Variants in TTC1 observed in about 807,000 individuals in gnomAD.
The protein encoded by TTC1 is tetratricopeptide repeat protein 1.
Under a neutral mutation model 37.6 loss-of-function variants are expected in TTC1, and 31 were observed. The observed-to-expected ratio is 0.82, with a 90% CI of 0.62 to 1.11. The LOEUF (loss-of-function observed/expected upper bound fraction) is 1.11, where lower values mean the gene tolerates loss of function less well. Among genes scored for constraint, TTC1 ranks in the 50% most tolerant of loss-of-function variants. The pLI, the probability that TTC1 is intolerant of heterozygous loss-of-function variation, is 0.00. For synonymous variants in TTC1, 127 were observed against 122.4 expected (o/e 1.04, Z -0.25); for missense variants, 351 against 339.0 (o/e 1.04, Z -0.28).
intron 4 of TTC1, among the ~76,000 whole-genome samples, chr5:160,041,425 G>A (rs1373745697): frequency 1.3e-5 from 2 of 150,828 alleles, no homozygotes; most frequent in South Asian, 2.1e-4. Context: ...ATTCTCCTGC[G>A]TCAGCCTCTT....
Position 160,036,735 on chromosome 5 carries a change from T to A in TTC1, c.436T>A (p.Cys146Ser). The A allele has an allele frequency of 6.2e-7, 1 of 1,614,086 alleles. No homozygotes were observed. Among genetic ancestry groups the A allele is most frequent in the Non-Finnish European group, 8.5e-7 (1 of 1,179,972 alleles). ...ESSYSRALEMCPSCFQKERSI... is the reference protein window; with the variant it reads ...ESSYSRALEMSPSCFQKERSI... ...TTCTTATAGTCGAGCCCTCGAAATG[T>A]GCCCATCCTGCTTCCAAAAGGAGAG... Residue 146 changes from cysteine (C) to serine (S), a missense_variant, in exon 4 of 8, where the codon TGC becomes AGC. By Grantham distance (112) the Cys-to-Ser change is moderately radical. Transcript: ENST00000231238.
At chr5:160,029,214 T>A (rs1756863083) in intron 2 of TTC1, among the ~76,000 whole-genome samples, 1 of 152,182 alleles carries the variant, frequency 6.6e-6, no homozygotes, top group African/African-American at 2.4e-5. Context: ...TTTTGACTCA[T>A]AAGGGTTTCA....
intron 7 of TTC1, among the ~76,000 whole-genome samples, chr5:160,059,260 G>A (rs1757632059): frequency 6.6e-6 from 1 of 152,230 alleles, no homozygotes; most frequent in African/African-American, 2.4e-5. Flanking sequence ...TAGATCTTCT[G>A]AATAACTTTT....
intron 7 of TTC1, among the ~76,000 whole-genome samples, chr5:160,056,086 C>T (rs899177848): frequency 4.6e-5 from 7 of 152,208 alleles, no homozygotes; most frequent in Non-Finnish European, 1.0e-4. Context: ...CTCTTCCTAA[C>T]TTAACCAAGA....
chr5:160,041,356 G>A (rs1325788819), intron 4 of TTC1, among the ~76,000 whole-genome samples: 1 of 149,550 alleles, frequency 6.7e-6, no homozygotes, highest in Non-Finnish European at 1.5e-5. Context: ...TGTTGCCTAG[G>A]CTGTAGTACA....
At chr5:160,011,474 G>T (rs1306256901) in intron 2 of TTC1, among the ~76,000 whole-genome samples, 1 of 152,136 alleles carries the variant, frequency 6.6e-6, no homozygotes, top group Non-Finnish European at 1.5e-5. Context: ...TTCCCATAAG[G>T]AAACAGCTTA....
intron 3 of TTC1, among the ~76,000 whole-genome samples, chr5:160,035,843 C>T (rs1756990037): frequency 6.6e-6 from 1 of 152,046 alleles, no homozygotes; most frequent in South Asian, 2.1e-4. Flanking sequence ...AGTGTATATG[C>T]TTCAGAAATC....
chr5:160,039,668 T>C (rs369638604), intron 4 of TTC1, among the ~76,000 whole-genome samples: 4 of 152,138 alleles, frequency 2.6e-5, no homozygotes, highest in South Asian at 2.1e-4. Flanking sequence ...AAGAATACCA[T>C]CACAACAGTT....
rs186915702 is a variant in TTC1, at chr5:160,049,811, C to T, written c.690+149C>T. 1.8e-4 allele frequency: 123 copies of T among 693,648 alleles called. 1 individual carries two copies. The Middle Eastern group carries it at 2.2e-3, about 12-fold the overall frequency. The allele number at this position is 693,648 out of a possible 1,614,324, so 43.0% of individuals were successfully genotyped here. ...ATATATGGGAGGCCAGGCGCAGTGG[C>T]TCTTGCCTGTAATCCCAGCACTTTA... On this transcript the variant is annotated intron_variant, in intron 6 of 7. Transcript: ENST00000231238.
intron 2 of TTC1, among the ~76,000 whole-genome samples, chr5:160,028,716 C>T (rs559622808): frequency 7.9e-5 from 12 of 152,218 alleles, no homozygotes; most frequent in Non-Finnish European, 1.5e-5. Flanking sequence ...TCAGCCAGTT[C>T]GCCCACCTCG....
intron 2 of TTC1, 116 bp from the exon 3 acceptor site, chr5:160,035,023 AG>A: frequency 1.3e-6 from 1 of 755,912 alleles, no homozygotes. Flanking sequence ...AAACTGATGC[AG>A]TTCTCAAAAG....
intron 2 of TTC1, among the ~76,000 whole-genome samples, chr5:160,014,039 A>C (rs75589453): frequency 0.012 from 1,759 of 152,180 alleles, 23 homozygotes; most frequent in African/African-American, 0.024. Context: ...ATTACGGCTG[A>C]GGAACTGAAT....
intron 7 of TTC1, among the ~76,000 whole-genome samples, chr5:160,061,219 A>T (rs540385546): frequency 6.6e-6 from 1 of 152,212 alleles, no homozygotes. Context: ...CCTCTGTCTC[A>T]TATGGTTGCA....
intron 6 of TTC1, among the ~76,000 whole-genome samples, chr5:160,050,440 C>G (rs1170778192): frequency 6.6e-6 from 1 of 151,912 alleles, no homozygotes; most frequent in African/African-American, 2.4e-5. Context: ...GTGTGAGACT[C>G]TGTCTTAAAA....
At chr5:160,059,109 G>A (rs557661333) in intron 7 of TTC1, among the ~76,000 whole-genome samples, 1 of 152,308 alleles carries the variant, frequency 6.6e-6, no homozygotes, top group African/African-American at 2.4e-5. Flanking sequence ...AAGAGAGTCA[G>A]CCTATCCTTT....
At chr5:160,040,468 G>A (rs1757069024) in intron 4 of TTC1, among the ~76,000 whole-genome samples, 1 of 151,882 alleles carries the variant, frequency 6.6e-6, no homozygotes, top group Non-Finnish European at 1.5e-5. Context: ...ATTCACCTTG[G>A]TTTACTGTGC....
chr5:160,049,991 T>C (rs1444588621), intron 6 of TTC1, among the ~76,000 whole-genome samples: 1 of 152,134 alleles, frequency 6.6e-6, no homozygotes, highest in Admixed American at 6.6e-5. Flanking sequence ...GAGAATTGCT[T>C]GAACCCAGAA....
intron 6 of TTC1, among the ~76,000 whole-genome samples, chr5:160,050,174 G>A (rs993885463): frequency 1.3e-5 from 2 of 152,154 alleles, no homozygotes; most frequent in Non-Finnish European, 2.9e-5. Flanking sequence ...CAGGCTGGGT[G>A]CAGTGGCTCA....
rs777965550 is a variant in TTC1, at chr5:160,010,747, G to T, written c.219G>T (p.Glu73Asp). 1 of 1,614,124 alleles carries T rather than the reference G, an allele frequency of 6.2e-7. No individual in the cohort carries two copies. Among genetic ancestry groups the T allele is most frequent in the Non-Finnish European group, 8.5e-7 (1 of 1,180,004 alleles). ...ACTGCAGTGCCTCATTTGAGGAGGAGCCAGGAGCGGACAAGGTTGAGAACA... is the reference window on the plus strand; with the variant it reads ...ACTGCAGTGCCTCATTTGAGGAGGATCCAGGAGCGGACAAGGTTGAGAACA... ...FHDCSASFEE[E>D]PGADKVENKS... is the part of the protein sequence containing the mutation. The change falls in exon 2 of 8, where the codon GAG (glutamate) becomes GAT (aspartate). Residue 73 changes from glutamate to aspartate, a missense_variant. Transcript: ENST00000231238.
Sources: gnomAD v4.1 joint callset for allele counts (sites outside exome capture counted in the v4.1 genomes callset) on GRCh38, gnomAD v4.1.1 for gene constraint, MANE v1.5 for transcripts, NCBI Gene and HGNC (gene_info 2026-07-23, HGNC 2026-07-21) for gene names.